Variants in LRP1B observed in about 807,000 individuals in gnomAD.
The protein encoded by LRP1B is LDL receptor related protein 1B.
In LRP1B, 217 loss-of-function variants were observed where a neutral mutation model predicts 556.6. That is an observed-to-expected ratio of 0.39 (90% CI 0.35 to 0.44). The LOEUF (loss-of-function observed/expected upper bound fraction) is 0.44, where lower values mean the gene tolerates loss of function less well. Among genes scored for constraint, LRP1B ranks in the 20% least tolerant of loss-of-function variants. The probability of loss-of-function intolerance (pLI) is 1.00; values close to 1 mark genes in which losing one functional copy is unlikely to be tolerated. For synonymous variants in LRP1B, 2,047 were observed against 1,865.8 expected (o/e 1.10, Z -2.50); for missense variants, 5,053 against 5,620.8 (o/e 0.90, Z 3.23).
intron 66 of LRP1B, among the ~76,000 whole-genome samples, chr2:140,406,215 T>C (rs1055387400): frequency 2.0e-5 from 3 of 151,948 alleles, no homozygotes; most frequent in African/African-American, 7.2e-5. Flanking sequence ...GCCATATATG[T>C]CAAACCCACA....
chr2:140,860,941 GCGGCAATGTGTAAAACGAAGTA>G (rs997907223), intron 27 of LRP1B, among the ~76,000 whole-genome samples: 1 of 152,044 alleles, frequency 6.6e-6, no homozygotes, highest in African/African-American at 2.4e-5. Flanking sequence ...GGAGAGTTTG[GCGGCAATGTGTAAAACGAAGTA>G]AGAGAATTGT....
intron 80 of LRP1B, among the ~76,000 whole-genome samples, chr2:140,325,203 A>G (rs920654630): frequency 2.0e-5 from 3 of 152,080 alleles, no homozygotes; most frequent in Non-Finnish European, 4.4e-5. Context: ...AGCTGGAAAT[A>G]TGAGACAGTA....
At position 140,426,608 on chromosome 2, in the gene LRP1B, C is replaced by T. The variant is rs551424348; in HGVS notation, c.10414+15896G>A. 3.9e-5 allele frequency among the ~76,000 whole-genome samples: 6 copies of T among 152,344 alleles called. No individual in the cohort carries two copies. The East Asian group carries it at 1.2e-3, about 29-fold the overall frequency. On this transcript the variant is annotated intron_variant, in intron 66 of 90. Transcript: ENST00000389484. ...CCTACTGAGCACCTTGTGACCCCCACATCTGCCTGCCAGAGAACAACCCCT... is the reference window on the plus strand; with the variant it reads ...CCTACTGAGCACCTTGTGACCCCCATATCTGCCTGCCAGAGAACAACCCCT...
chr2:140,387,350 C>A (rs1462778400), intron 66 of LRP1B, among the ~76,000 whole-genome samples: 1 of 152,168 alleles, frequency 6.6e-6, no homozygotes, highest in Non-Finnish European at 1.5e-5. Flanking sequence ...TATTGAGGAT[C>A]CAGCCTCTTT....
At chr2:140,985,460 T>A (rs895713328) in intron 17 of LRP1B, among the ~76,000 whole-genome samples, 3 of 151,452 alleles carry the variant, frequency 2.0e-5, no homozygotes, top group African/African-American at 7.3e-5. Flanking sequence ...GGAGAAATGT[T>A]GATATGAAAC....
intron 82 of LRP1B, among the ~76,000 whole-genome samples, chr2:140,318,554 T>C (rs1684628885): frequency 6.6e-6 from 1 of 152,166 alleles, no homozygotes; most frequent in Admixed American, 6.6e-5. Flanking sequence ...CATATTGATT[T>C]TAAAGGGCTA....
chr2:141,920,279 T>TTTTTTTTTTTTG (rs1558962074), intron 1 of LRP1B, among the ~76,000 whole-genome samples: 1 of 99,962 alleles, frequency 1.0e-5, no homozygotes, highest in African/African-American at 3.6e-5. Context: ...TCTTTTTTTT[T>TTTTTTTTTTTTG]GGGGGGGGGT....
intron 41 of LRP1B, among the ~76,000 whole-genome samples, chr2:140,602,726 ATG>A (rs753433673): frequency 9.0e-6 from 1 of 111,170 alleles, no homozygotes; most frequent in Non-Finnish European, 2.0e-5. Context: ...TTTTTGAACA[ATG>A]TTTTTTTTCA....
intron 2 of LRP1B, among the ~76,000 whole-genome samples, chr2:141,534,633 G>A (rs1489486033): frequency 2.0e-5 from 3 of 152,116 alleles, no homozygotes; most frequent in Non-Finnish European, 4.4e-5. Flanking sequence ...AAAAGTTGCA[G>A]TCAAGGTCTC....
intron 57 of LRP1B, among the ~76,000 whole-genome samples, chr2:140,491,519 A>G (rs1260350896): frequency 6.6e-6 from 1 of 152,124 alleles, no homozygotes; most frequent in Admixed American, 6.6e-5. Flanking sequence ...CCCAAGAAAG[A>G]TAATTTTTAA....
At chr2:140,329,534 A>C (rs1225193190) in intron 79 of LRP1B, among the ~76,000 whole-genome samples, 1 of 152,110 alleles carries the variant, frequency 6.6e-6, no homozygotes, top group African/African-American at 2.4e-5. Context: ...GTTGATAAGC[A>C]ATTTCAGGAA....
intron 82 of LRP1B, among the ~76,000 whole-genome samples, chr2:140,321,033 G>A (rs1438154263): frequency 6.6e-6 from 1 of 151,936 alleles, no homozygotes; most frequent in Non-Finnish European, 1.5e-5. Flanking sequence ...TCCAGCCTGG[G>A]TGACAGCAAC....
chr2:140,875,594 AGTGTTTTAATAT>A (rs1373895716), intron 25 of LRP1B, among the ~76,000 whole-genome samples: 4 of 152,148 alleles, frequency 2.6e-5, no homozygotes, highest in Non-Finnish European at 5.9e-5. Flanking sequence ...GCAATTATCA[AGTGTTTTAATAT>A]GTGTTTTGGT....
rs778206996 is a variant in LRP1B at position 141,013,544 on chromosome 2, G to T, written c.2380+12C>A. On this transcript the variant is annotated intron_variant, in intron 14 of 90. Coordinates refer to ENST00000389484, the MANE Select transcript of LRP1B (RefSeq NM_018557.3). The stretch of plus-strand genomic sequence containing the variant: ...GTGAATCTCAGAAGCATTTTAATTT[G>T]TTTTTTAATACCTTGTTGCTTTCGT... The T allele has an allele frequency of 3.1e-6, 5 of 1,591,972 alleles. No homozygotes were observed. The South Asian group carries it at 5.7e-5, about 18-fold the overall frequency.
chr2:140,320,763 G>A (rs1374019024), intron 82 of LRP1B, among the ~76,000 whole-genome samples: 4 of 152,088 alleles, frequency 2.6e-5, no homozygotes, highest in Admixed American at 6.6e-5. Context: ...ATAAAATTTA[G>A]TATGTGTGGG....
At chr2:142,044,461 C>T (rs1704184654) in intron 1 of LRP1B, among the ~76,000 whole-genome samples, 1 of 151,674 alleles carries the variant, frequency 6.6e-6, no homozygotes, top group South Asian at 2.1e-4. Context: ...GCATGCTCCT[C>T]CTGCAGAGCA....
At chr2:141,037,980 G>A (rs1029989997) in intron 11 of LRP1B, among the ~76,000 whole-genome samples, 8 of 151,854 alleles carry the variant, frequency 5.3e-5, no homozygotes, top group Middle Eastern at 3.2e-3. Flanking sequence ...AGAGGCTAAA[G>A]TATAATGGGA....
chr2:140,508,232 C>T (rs1298391499), intron 52 of LRP1B, among the ~76,000 whole-genome samples: 2 of 152,094 alleles, frequency 1.3e-5, no homozygotes, highest in Non-Finnish European at 2.9e-5. Context: ...TCCCTCAAGA[C>T]TCAGATAATA....
chr2:141,170,217 CGA>C (rs1558908238), intron 7 of LRP1B, among the ~76,000 whole-genome samples: 1 of 152,016 alleles, frequency 6.6e-6, no homozygotes, highest in African/African-American at 2.4e-5. Context: ...TTGTATTGTG[CGA>C]GAGAGTCAGC....
Sources: allele counts gnomAD v4.1 joint callset (sites outside exome capture counted in the v4.1 genomes callset), GRCh38; gene constraint gnomAD v4.1.1; transcripts MANE v1.5; gene names NCBI Gene and HGNC (gene_info 2026-07-23, HGNC 2026-07-21).